FGD5: variants seen among roughly 807,000 people sequenced by gnomAD.
FGD5 encodes the protein FYVE, RhoGEF and PH domain containing 5, also known as FYVE, RhoGEF and PH domain-containing protein 5.
Under a neutral mutation model 133.4 loss-of-function variants are expected in FGD5, and 28 were observed. The observed-to-expected ratio is 0.21, with a 90% confidence interval of 0.16 to 0.29. The LOEUF is 0.29. Among genes scored for constraint, FGD5 ranks in the 10% least tolerant of loss-of-function variants. FGD5 has a pLI of 1.00. For missense variants in FGD5, 1,858 were observed against 1,895.2 expected (o/e 0.98, Z 0.36); for synonymous variants, 810 against 776.5 (o/e 1.04, Z -0.72).
chr3:14,926,329 C>T, intron 18 of FGD5, 131 bp downstream of exon 18: 4 of 1,171,066 alleles, frequency 3.4e-6, no homozygotes, highest in Non-Finnish European at 4.9e-6. Context: ...GCAGTCAAGT[C>T]TTTAGTGAGC....
intron 12 of FGD5, among the ~76,000 whole-genome samples, chr3:14,918,461 G>A (rs1326358833): frequency 1.3e-5 from 2 of 152,248 alleles, no homozygotes; most frequent in Non-Finnish European, 2.9e-5. Context: ...AGGCATGGGA[G>A]ACGTGGTCAC....
intron 1 of FGD5, among the ~76,000 whole-genome samples, chr3:14,848,954 G>C (rs113754356): frequency 6.6e-6 from 1 of 152,170 alleles, no homozygotes; most frequent in African/African-American, 2.4e-5. Context: ...CAGGAGCAGC[G>C]TGGATTTATA....
intron 1 of FGD5, among the ~76,000 whole-genome samples, chr3:14,842,014 G>C (rs936848291): frequency 2.0e-5 from 3 of 152,192 alleles, no homozygotes; most frequent in Non-Finnish European, 4.4e-5. Flanking sequence ...CTTTTGTCCT[G>C]AAAAGGCATC....
At chr3:14,915,162 A>G (rs1169005031) in intron 11 of FGD5, among the ~76,000 whole-genome samples, 2 of 152,202 alleles carry the variant, frequency 1.3e-5, no homozygotes, top group Admixed American at 1.3e-4. Flanking sequence ...CTCCAACTCT[A>G]CTGGGACACA....
chr3:14,833,564 A>G (rs1266578089), intron 1 of FGD5, among the ~76,000 whole-genome samples: 2 of 152,146 alleles, frequency 1.3e-5, no homozygotes, highest in Admixed American at 6.5e-5. Context: ...AGGCTTGCAC[A>G]GGCCAGGAAG....
intron 2 of FGD5, among the ~76,000 whole-genome samples, chr3:14,879,386 G>T (rs2037782802): frequency 6.6e-6 from 1 of 152,222 alleles, no homozygotes. Context: ...CAGGTTTGGG[G>T]CCACCCAGCA....
intron 11 of FGD5, among the ~76,000 whole-genome samples, chr3:14,911,857 G>A (rs138835009): frequency 3.4e-4 from 51 of 150,906 alleles, no homozygotes; most frequent in East Asian, 1.9e-3. Context: ...CCACGGCAGC[G>A]CCGCCGTGTC....
rs371244149 is a variant in FGD5 at position 14,881,989 on chromosome 3, T to C, written c.2748+1217T>C. ...GTCACCCTGGCATCACATCCCCACA[T>C]GAGCTGATAGCAGCCAGGACCCCAG... On this transcript the variant is annotated intron_variant, in intron 4 of 19. Transcript: ENST00000285046. 6.4e-4 allele frequency among the ~76,000 whole-genome samples: 98 copies of C among 152,270 alleles called. 2 individuals carry two copies. In the South Asian group the frequency reaches 0.019, roughly 30 times the overall value.
chr3:14,887,084 C>T (rs1247018419), intron 4 of FGD5, among the ~76,000 whole-genome samples: 2 of 152,202 alleles, frequency 1.3e-5, no homozygotes, highest in African/African-American at 2.4e-5. Context: ...TCTGCATCCT[C>T]ACTTTTTGTC....
At chr3:14,873,141 G>C (rs1030362455) in intron 2 of FGD5, among the ~76,000 whole-genome samples, 5 of 152,140 alleles carry the variant, frequency 3.3e-5, no homozygotes, top group Non-Finnish European at 7.4e-5. Context: ...ACTGAAAGAG[G>C]GAAGGAGTGT....
intron 9 of FGD5, among the ~76,000 whole-genome samples, chr3:14,907,237 A>T (rs2038357390): frequency 6.6e-6 from 1 of 152,250 alleles, no homozygotes; most frequent in African/African-American, 2.4e-5. Context: ...ACGAGGCTCC[A>T]CAGAGTGTGG....
intron 13 of FGD5, among the ~76,000 whole-genome samples, chr3:14,919,341 G>A (rs767871417): frequency 5.9e-5 from 9 of 152,188 alleles, no homozygotes; most frequent in African/African-American, 7.2e-5. Flanking sequence ...ATACCAGGCC[G>A]GGCGCGGTGG....
chr3:14,823,362 T>C (rs1331923232), intron 1 of FGD5, among the ~76,000 whole-genome samples: 1 of 152,222 alleles, frequency 6.6e-6, no homozygotes, highest in East Asian at 1.9e-4. Flanking sequence ...TGCTGGGTAC[T>C]CTGATCATGA....
In FGD5 at chr3:14,820,438, A is replaced by T. The variant is rs1005621844; in HGVS notation, c.1367A>T (p.Tyr456Phe). 3.1e-6 allele frequency: 5 copies of T among 1,613,796 alleles called. No individual in the cohort carries two copies. The highest frequency in any genetic ancestry group is 4.2e-6 in the Non-Finnish European group (5 of 1,179,850). Reference protein sequence around the residue: ...GQAASDALGGYGSKEELNCEA... With the variant: ...GQAASDALGGFGSKEELNCEA... ...GCTGCATCGGACGCCCTGGGTGGTT[A>T]TGGCTCGAAAGAAGAATTGAACTGT... is the stretch of plus-strand genomic sequence containing the variant. The change falls in exon 1 of 20, where the codon TAT becomes TTT. Residue 456 changes from tyrosine (Y) to phenylalanine (F), a missense_variant. Tyr to Phe is a conservative substitution (Grantham distance 22). Around this residue, in one of 3 missense-constraint regions of FGD5, gnomAD observed 1,824 missense variants for 1,848.9 expected, o/e 0.99. Coordinates refer to ENST00000285046, the MANE Select transcript of FGD5 (RefSeq NM_152536.4).
Position 14,821,410 on chromosome 3 carries a change from T to C in FGD5, c.2339T>C (p.Met780Thr). ...TCAGACTATGAGAACATTCCAGCCA[T>C]GAACTCGGACTATGAGAATATCCAG... ...DTSDYENIPA[M>T]NSDYENIQIP... Residue 780 changes from methionine (M) to threonine (T), a missense_variant, in exon 1 of 20, where the codon ATG becomes ACG. By Grantham distance (81) the Met-to-Thr change is moderately conservative (BLOSUM62 -1). This residue lies in a region of FGD5 where 1,824 missense variants were observed against 1,848.9 expected (regional missense o/e 0.99). Transcript: ENST00000285046. 6.2e-7 allele frequency: 1 copy of C among 1,614,028 alleles called. No homozygotes were observed. Among genetic ancestry groups the C allele is most frequent in the Non-Finnish European group, 8.5e-7 (1 of 1,179,890 alleles).
rs777422604 is a variant in FGD5 at position 14,820,352 on chromosome 3, C to A, written c.1281C>A (p.Ala427=). ...LEEEALDDAL[A]NPYVMGVGLP... Reference sequence around the variant, plus strand: ...AGGAGGCCTTGGATGATGCACTGGCCAACCCCTATGTGATGGGAGTGGGCC... The same window carrying A: ...AGGAGGCCTTGGATGATGCACTGGCAAACCCCTATGTGATGGGAGTGGGCC... Residue 427 remains alanine, a synonymous_variant, in exon 1 of 20, where the codon GCC becomes GCA. Coordinates refer to ENST00000285046, the MANE Select transcript of FGD5 (RefSeq NM_152536.4). The A allele has an allele frequency of 9.3e-6, 15 of 1,612,942 alleles. No individual in the cohort carries two copies. Among genetic ancestry groups the A allele is most frequent in the Non-Finnish European group, 1.2e-5 (14 of 1,179,486 alleles).
Position 14,926,216 on chromosome 3 carries a change from T to C in FGD5, c.4197+18T>C. On this transcript the variant is annotated intron_variant, in intron 18 of 19. Coordinates refer to ENST00000285046, the MANE Select transcript of FGD5 (RefSeq NM_152536.4). Reference sequence around the variant, plus strand: ...CCAGTGAGGTAGTAGTGATCTGCACTCTCTCCCCTCTCCTCTCTCCTGTGA... The same window carrying C: ...CCAGTGAGGTAGTAGTGATCTGCACCCTCTCCCCTCTCCTCTCTCCTGTGA... The C allele has an allele frequency of 6.2e-7, 1 of 1,611,914 alleles. No individual in the cohort carries two copies. The highest frequency in any genetic ancestry group is 1.3e-5 in the African/African-American group (1 of 74,986).
chr3:14,830,953 G>T (rs1433277285), intron 1 of FGD5, among the ~76,000 whole-genome samples: 2 of 152,120 alleles, frequency 1.3e-5, no homozygotes, highest in Non-Finnish European at 2.9e-5. Context: ...TATAGTTTAT[G>T]GAAAAGAAGA....
intron 2 of FGD5, among the ~76,000 whole-genome samples, chr3:14,867,421 G>A (rs755051750): frequency 1.3e-5 from 2 of 152,184 alleles, no homozygotes; most frequent in African/African-American, 2.4e-5. Flanking sequence ...AGTGTTTCTA[G>A]TTTCATCAGC....
Sources: allele counts gnomAD v4.1 joint callset (sites outside exome capture counted in the v4.1 genomes callset), GRCh38; gene constraint gnomAD v4.1.1; regional missense constraint gnomAD v4.1.1; transcripts MANE v1.5; gene names NCBI Gene and HGNC (gene_info 2026-07-23, HGNC 2026-07-21).